The following ZNF217 variants were observed in gnomAD, a reference collection of about 807,000 sequenced individuals.
ZNF217 encodes the protein zinc finger protein 217.
Under a neutral mutation model 73.3 loss-of-function variants are expected in ZNF217, and 12 were observed. That is an observed-to-expected ratio of 0.16 (90% CI 0.10 to 0.27). The LOEUF is 0.27. ZNF217 is among the 10% of genes least tolerant of loss of function. ZNF217 has a pLI of 1.00. For synonymous variants in ZNF217, 588 were observed against 516.4 expected (o/e 1.14, Z -1.88); for missense variants, 1,195 against 1,327.8 (o/e 0.90, Z 1.55).
chr20:53,577,473 T>C (rs55990508), intron 3 of ZNF217, among the ~76,000 whole-genome samples, 193 bp from the exon 4 acceptor site: 3,969 of 152,320 alleles, frequency 0.026, 168 homozygotes, highest in African/African-American at 0.091. Context: ...CTATCTTCAA[T>C]AGAAAAATTA....
At position 53,576,964 on chromosome 20, in the gene ZNF217, C is replaced by G. The variant is rs200006230; in HGVS notation, c.1800G>C (p.Gln600His). ...CATCAGCTGCATTTTTATGGAAATC[C>G]TGAGTATCTTTGTGTGCTGGTGAGA... Reference protein sequence around the residue: ...AVLSPAHKDTQDFHKNAADDS... With the variant: ...AVLSPAHKDTHDFHKNAADDS... Residue 600 changes from glutamine (Q) to histidine (H), a missense_variant, in exon 4 of 6, where the codon CAG becomes CAC. By Grantham distance (24) the Gln-to-His change is conservative. Transcript: ENST00000371471. 3.7e-6 allele frequency: 6 copies of G among 1,614,136 alleles called. No homozygotes were observed. The African/African-American group carries it at 8.0e-5, about 22-fold the overall frequency.
chr20:53,588,654 C>G (rs1988785611), intron 1 of ZNF217, among the ~76,000 whole-genome samples: 1 of 151,654 alleles, frequency 6.6e-6, no homozygotes. Context: ...ATGCCCACTA[C>G]TAGACCACTA....
chr20:53,588,613 T>C (rs942268641), intron 1 of ZNF217, among the ~76,000 whole-genome samples: 2 of 87,670 alleles, frequency 2.3e-5, no homozygotes, highest in East Asian at 7.8e-4. Context: ...TATATATATA[T>C]ATATATATAT....
chr20:53,572,397 G>A (rs1475778695), intron 4 of ZNF217, among the ~76,000 whole-genome samples: 5 of 151,670 alleles, frequency 3.3e-5, no homozygotes, highest in African/African-American at 1.2e-4. Flanking sequence ...CTGGGCAACA[G>A]AGTGTGACCC....
chr20:53,571,074 A>G (rs1987977381), intron 5 of ZNF217, among the ~76,000 whole-genome samples: 3 of 152,218 alleles, frequency 2.0e-5, no homozygotes, highest in Admixed American at 2.0e-4. Flanking sequence ...TATGTAACAG[A>G]TGGGCATGAT....
Position 53,576,999 on chromosome 20 carries a change from T to G in ZNF217, c.1765A>C (p.Ser589Arg). The G allele has an allele frequency of 1.2e-6, 2 of 1,614,248 alleles. No homozygotes were observed. Among genetic ancestry groups the G allele is most frequent in the South Asian group, 1.1e-5 (1 of 91,086 alleles). ...MPSVFQNVLG[S>R]AVLSPAHKDT... is the part of the protein sequence containing the mutation. ...TTGTGTGCTGGTGAGAGGACAGCGC[T>G]GCCCAGAACATTCTGAAAAACAGAA... The change falls in exon 4 of 6, where the codon AGC becomes CGC. Residue 589 changes from serine (S) to arginine (R), a missense_variant. This residue lies in a region of ZNF217 where 649 missense variants were observed against 642.8 expected (regional missense o/e 1.01). Transcript: ENST00000371471.
At chr20:53,591,942 A>G (rs1264168004) in intron 1 of ZNF217, among the ~76,000 whole-genome samples, 1 of 152,276 alleles carries the variant, frequency 6.6e-6, no homozygotes. Flanking sequence ...CTTGACATAT[A>G]CAAAAGAGAA....
chr20:53,577,593 C>T (rs368032083), intron 3 of ZNF217, among the ~76,000 whole-genome samples: 16 of 152,272 alleles, frequency 1.1e-4, no homozygotes, highest in African/African-American at 3.6e-4. Context: ...AAATAACTTG[C>T]CCAAGGGTGC....
chr20:53,570,914 A>C (rs751808618), intron 5 of ZNF217, among the ~76,000 whole-genome samples: 9 of 152,234 alleles, frequency 5.9e-5, no homozygotes, highest in African/African-American at 2.2e-4. Flanking sequence ...CCTCGGTCTC[A>C]TCTGAAAAGC....
At position 53,582,167 on chromosome 20, in the gene ZNF217, A is replaced by G. The variant is rs1448692173; in HGVS notation, c.660T>C (p.Val220=). The change falls in exon 2 of 6, where the codon GTT becomes GTC. Residue 220 remains valine (V), a synonymous_variant. Coordinates refer to ENST00000371471, the MANE Select transcript of ZNF217 (RefSeq NM_006526.3). This position sits in a 1 kb window ranked among gnomAD's most constrained non-coding sequence, Gnocchi z 4.8. ...CTTTATTTGGAAATAGGAAGCCACA[A>G]ACCATGCAGATTTTGTAAGGAGAGG... ...SISSPYKICM[V]CGFLFPNKES... is the part of the protein sequence containing the mutation. 6.2e-7 allele frequency: 1 copy of G among 1,614,154 alleles called. No individual in the cohort carries two copies. Among genetic ancestry groups the G allele is most frequent in the South Asian group, 1.1e-5 (1 of 91,082 alleles).
At chr20:53,569,408 A>G in intron 5 of ZNF217, 144 bp from the exon 6 acceptor site, 1 of 603,750 alleles carries the variant, frequency 1.7e-6, no homozygotes, top group Non-Finnish European at 2.4e-6. Context: ...TTTTTGAGAC[A>G]GTCTCACTCT....
In ZNF217 at chr20:53,581,548, G is replaced by C; in HGVS notation, c.1279C>G (p.Pro427Ala). The C allele has an allele frequency of 7.4e-6, 12 of 1,614,212 alleles. No homozygotes were observed. Among genetic ancestry groups the C allele is most frequent in the Non-Finnish European group, 1.0e-5 (12 of 1,180,034 alleles). ...TCCACGGCTCCATTTTCATCCAGAG[G>C]GGCGGCGAGGTCAGGAGAACACGTC... ...PGTCSPDLAA[P>A]LDENGAVDRG... The change falls in exon 2 of 6, where the codon CCT (proline) becomes GCT (alanine). Residue 427 changes from proline to alanine, a missense_variant. Pro to Ala is a conservative substitution (Grantham distance 27). Around this residue, in one of 9 missense-constraint regions of ZNF217, gnomAD observed 116 missense variants for 121.9 expected, o/e 0.95. Coordinates refer to ENST00000371471, the MANE Select transcript of ZNF217 (RefSeq NM_006526.3). The surrounding 1 kb of genome is among the most constrained non-coding windows in gnomAD (Gnocchi z 4.9).
intron 5 of ZNF217, among the ~76,000 whole-genome samples, chr20:53,570,836 T>C (rs983166543): frequency 1.3e-5 from 2 of 152,222 alleles, no homozygotes; most frequent in African/African-American, 4.8e-5. Context: ...TTTGCAGACC[T>C]AGGACAAAAA....
Position 53,577,129 on chromosome 20 carries a change from T to G in ZNF217, c.1635A>C (p.Ala545=). 1 of 1,614,222 alleles carries G rather than the reference T, an allele frequency of 6.2e-7. No individual in the cohort carries two copies. The change falls in exon 4 of 6, where the codon GCA becomes GCC. Residue 545 remains alanine (A), a synonymous_variant. Transcript: ENST00000371471. ...NDGKNQDTED[A]LLTADSAQTK... ...TTTGCGCACTGTCAGCGGTTAATAG[T>G]GCATCTTCAGTGTCCTGATTTTTAC...
upstream of ZNF217, among the ~76,000 whole-genome samples, chr20:53,596,148 AC>A (rs1204129476): frequency 1.3e-5 from 2 of 151,994 alleles, no homozygotes; most frequent in Non-Finnish European, 2.9e-5. Context: ...CTGAGCAAAA[AC>A]GGTTGTGCTT....
At chr20:53,596,252 AGAG>A (rs1348415071), upstream of ZNF217, among the ~76,000 whole-genome samples, 11 of 150,692 alleles carry the variant, frequency 7.3e-5, no homozygotes, top group Admixed American at 2.0e-4. Flanking sequence ...AAAAAAAAAA[AGAG>A]AGCGCCTTAT....
At chr20:53,571,652 C>G (rs1988010837) in intron 5 of ZNF217, 69 bp downstream of exon 5, 1 of 1,515,960 alleles carries the variant, frequency 6.6e-7, no homozygotes. Flanking sequence ...GGTGATCCGC[C>G]CGCCCTGACC....
chr20:53,571,665 C>A, intron 5 of ZNF217, 56 bp downstream of exon 5: 2 of 1,554,424 alleles, frequency 1.3e-6, no homozygotes, highest in Non-Finnish European at 1.7e-6. Context: ...CCCTGACCTC[C>A]CAAATGGCCA....
upstream of ZNF217, among the ~76,000 whole-genome samples, chr20:53,595,720 CCTTTTCTGA>C (rs1989029832): frequency 6.6e-6 from 1 of 152,144 alleles, no homozygotes. Flanking sequence ...TATTAGGATT[CCTTTTCTGA>C]CAAAGGATGA....
Sources: allele counts gnomAD v4.1 joint callset (sites outside exome capture counted in the v4.1 genomes callset), GRCh38; gene constraint gnomAD v4.1.1; regional missense constraint gnomAD v4.1.1; non-coding constraint Gnocchi (gnomAD v3.1); transcripts MANE v1.5; gene names NCBI Gene and HGNC (gene_info 2026-07-23, HGNC 2026-07-21).